Variants in PCDH9 observed in about 807,000 individuals in gnomAD.
PCDH9 encodes the protein protocadherin-9.
In PCDH9, 24 loss-of-function variants were observed where a neutral mutation model predicts 70.6. The ratio of observed to expected loss-of-function variants is 0.34; its 90% confidence interval spans 0.25 to 0.48. The LOEUF (loss-of-function observed/expected upper bound fraction) is 0.48. Ranked by LOEUF, PCDH9 falls within the 20% of genes least tolerant of loss-of-function variation. The pLI, the probability that PCDH9 is intolerant of heterozygous loss-of-function variation, is 0.99. For missense variants in PCDH9, 1,281 were observed against 1,503.6 expected, an observed-to-expected ratio of 0.85 and a Z score of 2.45; for synonymous variants, 562 against 558.5, an observed-to-expected ratio of 1.01 and a Z score of -0.09.
At chr13:66,483,484 A>T (rs1309294451) in intron 4 of PCDH9, among the ~76,000 whole-genome samples, 2 of 152,200 alleles carry the variant, frequency 1.3e-5, no homozygotes, top group Non-Finnish European at 2.9e-5. Flanking sequence ...TGGAGACATG[A>T]AGTGAGTGTG....
At chr13:67,036,805 C>G (rs774322303) in intron 2 of PCDH9, among the ~76,000 whole-genome samples, 16 of 152,164 alleles carry the variant, frequency 1.1e-4, no homozygotes, top group Non-Finnish European at 7.4e-5. Context: ...AGCACACTTT[C>G]AATAAGGCTA....
At chr13:66,432,484 C>G (rs1261966603) in intron 4 of PCDH9, among the ~76,000 whole-genome samples, 3 of 151,884 alleles carry the variant, frequency 2.0e-5, no homozygotes, top group Non-Finnish European at 4.4e-5. Context: ...TATTAAGTTA[C>G]TTAATTTTTG....
At chr13:67,058,769 G>A (rs942598346) in intron 2 of PCDH9, among the ~76,000 whole-genome samples, 1 of 152,094 alleles carries the variant, frequency 6.6e-6, no homozygotes, top group Admixed American at 6.6e-5. Flanking sequence ...ACTTTTAGAT[G>A]GTGGAGATGG....
At chr13:66,904,086 T>G (rs949541651) in intron 2 of PCDH9, among the ~76,000 whole-genome samples, 1 of 151,906 alleles carries the variant, frequency 6.6e-6, no homozygotes, top group African/African-American at 2.4e-5. Flanking sequence ...CCCCATATCC[T>G]TAGCTACCAC....
intron 4 of PCDH9, among the ~76,000 whole-genome samples, chr13:66,386,474 C>G (rs1451584199): frequency 2.6e-5 from 4 of 151,954 alleles, no homozygotes; most frequent in Non-Finnish European, 4.4e-5. Flanking sequence ...TTTTTATTGT[C>G]AAAGAATATA....
intron 3 of PCDH9, among the ~76,000 whole-genome samples, chr13:66,737,176 C>A (rs1476937740): frequency 1.4e-5 from 2 of 139,502 alleles, no homozygotes; most frequent in African/African-American, 5.1e-5. Flanking sequence ...AAAGGTTGCA[C>A]TAAGTTAAAA....
intron 2 of PCDH9, among the ~76,000 whole-genome samples, chr13:66,905,441 C>T (rs558900481): frequency 6.6e-6 from 1 of 152,112 alleles, no homozygotes; most frequent in South Asian, 2.1e-4. Context: ...ATGACTGAGT[C>T]CCACCTCACA....
At chr13:66,839,532 C>A (rs2081080793) in intron 3 of PCDH9, among the ~76,000 whole-genome samples, 1 of 152,172 alleles carries the variant, frequency 6.6e-6, no homozygotes. Context: ...CTTGCAGTGG[C>A]CTTTGCCATT....
intron 2 of PCDH9, among the ~76,000 whole-genome samples, chr13:67,015,922 G>C (rs1033106943): frequency 6.6e-6 from 1 of 152,070 alleles, no homozygotes; most frequent in East Asian, 1.9e-4. Context: ...GTTCCTGATT[G>C]GTAGTGGCCA....
chr13:66,948,105 A>G (rs2139696295), intron 2 of PCDH9, among the ~76,000 whole-genome samples: 1 of 150,192 alleles, frequency 6.7e-6, no homozygotes, highest in South Asian at 2.1e-4. Flanking sequence ...ACTTTCATAA[A>G]TTGAAGTTGT....
intron 2 of PCDH9, among the ~76,000 whole-genome samples, chr13:67,185,567 G>A (rs1209668403): frequency 6.6e-6 from 1 of 152,106 alleles, no homozygotes; most frequent in Non-Finnish European, 1.5e-5. Context: ...GGTTAAAAAT[G>A]TATGATCCAG....
At chr13:66,752,813 T>C (rs1227914209) in intron 3 of PCDH9, among the ~76,000 whole-genome samples, 1 of 152,196 alleles carries the variant, frequency 6.6e-6, no homozygotes, top group Non-Finnish European at 1.5e-5. Context: ...TGGATTAGAC[T>C]TGATGTTCAG....
At chr13:66,375,475 A>G (rs933078972) in intron 4 of PCDH9, among the ~76,000 whole-genome samples, 2 of 152,148 alleles carry the variant, frequency 1.3e-5, no homozygotes. Flanking sequence ...CAATCATTAT[A>G]GGTAATACCT....
intron 4 of PCDH9, among the ~76,000 whole-genome samples, chr13:66,321,821 C>A (rs576272918): frequency 1.3e-5 from 2 of 151,882 alleles, no homozygotes; most frequent in Non-Finnish European, 2.9e-5. Context: ...GAAGTTTCTT[C>A]TTTGGATCTC....
intron 4 of PCDH9, among the ~76,000 whole-genome samples, chr13:66,325,925 GA>G (rs1425651356): frequency 6.6e-6 from 1 of 152,104 alleles, no homozygotes; most frequent in Non-Finnish European, 1.5e-5. Context: ...AAAATTGTCA[GA>G]TCATTCCCAC....
At chr13:66,736,442 C>G (rs962108019) in intron 3 of PCDH9, among the ~76,000 whole-genome samples, 1 of 152,148 alleles carries the variant, frequency 6.6e-6, no homozygotes, top group Non-Finnish European at 1.5e-5. Flanking sequence ...AGGAGAGAGA[C>G]CTGGAGAAAC....
chr13:66,737,045 T>A (rs2079160756), intron 3 of PCDH9, among the ~76,000 whole-genome samples: 1 of 152,194 alleles, frequency 6.6e-6, no homozygotes, highest in Non-Finnish European at 1.5e-5. Context: ...CGCAGGGTAG[T>A]GCCTTGAATA....
At chr13:67,185,821 C>G (rs192004534) in intron 2 of PCDH9, among the ~76,000 whole-genome samples, 5 of 152,186 alleles carry the variant, frequency 3.3e-5, no homozygotes, top group African/African-American at 1.2e-4. Flanking sequence ...CAATCTCCGC[C>G]TCCCGGATTC....
intron 3 of PCDH9, among the ~76,000 whole-genome samples, chr13:66,828,779 G>A (rs1235602571): frequency 6.6e-6 from 1 of 151,154 alleles, no homozygotes; most frequent in Admixed American, 6.6e-5. Context: ...TACAATGATT[G>A]CTCCTTAAAT....
Sources: allele counts gnomAD v4.1 joint callset (sites outside exome capture counted in the v4.1 genomes callset), GRCh38; gene constraint gnomAD v4.1.1; transcripts MANE v1.5; gene names NCBI Gene and HGNC (gene_info 2026-07-23, HGNC 2026-07-21).